Variants in ZNF536 observed in about 807,000 individuals in gnomAD.
The protein encoded by ZNF536 is zinc finger protein 536.
A neutral mutation model predicts 84.5 loss-of-function variants in ZNF536; 13 were observed. The observed-to-expected ratio is 0.15, with a 90% CI of 0.10 to 0.24. The LOEUF (loss-of-function observed/expected upper bound fraction) is 0.24. Among genes scored for constraint, ZNF536 ranks in the 10% least tolerant of loss-of-function variants. The probability of loss-of-function intolerance (pLI) is 1.00; values close to 1 mark genes in which losing one functional copy is unlikely to be tolerated. For synonymous variants in ZNF536, 811 were observed against 742.5 expected, an observed-to-expected ratio of 1.09 and a Z score of -1.50; for missense variants, 1,536 against 1,747.5, an observed-to-expected ratio of 0.88 and a Z score of 2.16.
At chr19:30,603,584 A>G (rs2047767447) in intron 1 of ZNF536, among the ~76,000 whole-genome samples, 1 of 152,216 alleles carries the variant, frequency 6.6e-6, no homozygotes, top group African/African-American at 2.4e-5. Flanking sequence ...TGTGCATATG[A>G]TTAAACATAT....
In ZNF536 at chr19:30,325,355, C is replaced by T. The variant is rs559426942; in HGVS notation, c.-119-27013C>T. Among the ~76,000 whole-genome samples the T allele has an allele frequency of 2.6e-4, 39 of 152,308 alleles. 1 individual carries two copies. The South Asian group carries it at 6.0e-3, about 24-fold the overall frequency. On this transcript the variant is annotated intron_variant, in intron 2 of 5. Transcript: ENST00000585628. ...TGTCGGATCTGGGAGGCAAGGCAGC[C>T]GGTGTGGTGGCTGCAACCCAGGGCT...
chr19:30,378,283 C>T (rs1175221685), intron 1 of ZNF536, among the ~76,000 whole-genome samples: 1 of 152,208 alleles, frequency 6.6e-6, no homozygotes, highest in Non-Finnish European at 1.5e-5. Flanking sequence ...GCCTCAGCCT[C>T]TCAAGTAGCT....
exon 2 of ZNF536, chr19:30,713,527 G>A (rs1427674505): frequency 6.6e-6 from 1 of 152,074 alleles, no homozygotes. Context: ...AGTATTAAAA[G>A]TTGTTTTTTC....
rs1227358722 is a variant in ZNF536 at position 30,392,888 on chromosome 19, A to G, written c.-3+20332A>G. On this transcript the variant is annotated intron_variant, in intron 1 of 4. Transcript: ENST00000355537. The stretch of plus-strand genomic sequence containing the variant: ...CATTTAATTTTTTAAATTGCTTGGT[A>G]ACTTCAAATAAAACCACTGCTGTGG... Among the ~76,000 whole-genome samples the G allele has an allele frequency of 3.9e-5, 6 of 152,220 alleles. No individual in the cohort carries two copies. The South Asian group carries it at 1.2e-3, about 32-fold the overall frequency.
chr19:30,454,844 C>A (rs1029891206), intron 2 of ZNF536, among the ~76,000 whole-genome samples: 8 of 152,106 alleles, frequency 5.3e-5, no homozygotes, highest in African/African-American at 1.9e-4. Context: ...ACCAGCCTGG[C>A]CAACATGGCA....
chr19:30,336,657 G>T (rs1209930158), intron 2 of ZNF536, among the ~76,000 whole-genome samples: 1 of 152,118 alleles, frequency 6.6e-6, no homozygotes, highest in Non-Finnish European at 1.5e-5. Context: ...GGACCAGAGA[G>T]GGAAGGTGTG....
chr19:30,338,164 G>C (rs904630661), intron 2 of ZNF536, among the ~76,000 whole-genome samples: 1 of 151,790 alleles, frequency 6.6e-6, no homozygotes, highest in Non-Finnish European at 1.5e-5. Context: ...TTGTGATGAT[G>C]ATGATAGTGG....
chr19:30,290,488 A>T (rs955290819), intron 2 of ZNF536, among the ~76,000 whole-genome samples: 1 of 152,026 alleles, frequency 6.6e-6, no homozygotes, highest in African/African-American at 2.4e-5. Flanking sequence ...CCCAGGCTGC[A>T]CTTGAACTTC....
At chr19:30,397,542 T>G (rs752605179) in intron 1 of ZNF536, among the ~76,000 whole-genome samples, 1 of 152,202 alleles carries the variant, frequency 6.6e-6, no homozygotes, top group Non-Finnish European at 1.5e-5. Context: ...CAACTGAGTG[T>G]GAATCTACAA....
At chr19:30,232,058 CTT>C (rs72531195) in intron 1 of ZNF536, among the ~76,000 whole-genome samples, 1 of 147,218 alleles carries the variant, frequency 6.8e-6, no homozygotes, top group Admixed American at 6.8e-5. Flanking sequence ...ATCCCCCTCA[CTT>C]TTTTTTTTTC....
chr19:30,343,049 G>A (rs1224567792), intron 2 of ZNF536, among the ~76,000 whole-genome samples: 1 of 152,156 alleles, frequency 6.6e-6, no homozygotes, highest in East Asian at 1.9e-4. Context: ...AGGGTCTGCA[G>A]TCTCTGGGTC....
Position 30,557,378 on chromosome 19 carries a change from A to G in ZNF536, c.*214A>G. ...AATCAGAGGCTAAAAATATTACCCC[A>G]TATGTTCCAGTATTAGTCATGGATT... is the stretch of plus-strand genomic sequence containing the variant. On this transcript the variant is annotated 3_prime_UTR_variant, in exon 5 of 5. Transcript: ENST00000355537. 1 of 462,666 alleles carries G rather than the reference A, an allele frequency of 2.2e-6. No individual in the cohort carries two copies. The highest frequency in any genetic ancestry group is 2.0e-5 in the African/African-American group (1 of 50,092). The allele number at this position is 462,666 out of a possible 1,614,324, so 28.7% of individuals were successfully genotyped here. A position where few individuals can be genotyped will look rare whatever the true frequency, so the allele number is the denominator to read the frequency against.
intron 1 of ZNF536, among the ~76,000 whole-genome samples, chr19:30,635,844 T>C (rs2049045085): frequency 1.3e-5 from 2 of 152,208 alleles, no homozygotes; most frequent in Non-Finnish European, 2.9e-5. Context: ...AGCAGGACAC[T>C]GCGGAGAGCG....
chr19:30,523,668 A>T (rs2044458261), intron 2 of ZNF536, among the ~76,000 whole-genome samples: 1 of 151,910 alleles, frequency 6.6e-6, no homozygotes, highest in Non-Finnish European at 1.5e-5. Flanking sequence ...AGATTTGTGG[A>T]ACTCTTTTCA....
intron 2 of ZNF536, among the ~76,000 whole-genome samples, chr19:30,453,665 A>C (rs1376532852): frequency 6.6e-6 from 1 of 152,240 alleles, no homozygotes; most frequent in Non-Finnish European, 1.5e-5. Flanking sequence ...TCCCTGAGCC[A>C]CATCTTCAAA....
At chr19:30,542,794 A>C (rs1016147060) in intron 3 of ZNF536, among the ~76,000 whole-genome samples, 3 of 152,180 alleles carry the variant, frequency 2.0e-5, no homozygotes, top group African/African-American at 7.2e-5. Flanking sequence ...TACTGCACAC[A>C]GAAACCTCAT....
At chr19:30,672,243 CTG>C (rs1025972132) in intron 1 of ZNF536, among the ~76,000 whole-genome samples, 1 of 152,226 alleles carries the variant, frequency 6.6e-6, no homozygotes, top group Non-Finnish European at 1.5e-5. Flanking sequence ...CTGGAGGAGT[CTG>C]TGTGTGCAGA....
chr19:30,248,224 C>CTTTTTTTTTTTTTTTTTTTTTTCTTT (rs58799737), intron 1 of ZNF536, among the ~76,000 whole-genome samples: 1 of 131,004 alleles, frequency 7.6e-6, no homozygotes, highest in Non-Finnish European at 1.6e-5. Context: ...TCTTTTCTTT[C>CTTTTTTTTTTTTTTTTTTTTTTCTTT]TTTTTTTTTT....
chr19:30,557,008 C>G (rs2045990097), intron 4 of ZNF536, 149 bp from the exon 5 acceptor site: 3 of 833,574 alleles, frequency 3.6e-6, no homozygotes. Context: ...TTGCTTTAGC[C>G]AGAGACAGAA....
Sources: allele counts gnomAD v4.1 joint callset (sites outside exome capture counted in the v4.1 genomes callset), GRCh38; gene constraint gnomAD v4.1.1; transcripts MANE v1.5; gene names NCBI Gene and HGNC (gene_info 2026-07-23, HGNC 2026-07-21).